Variants in B3GALT1 observed in about 807,000 individuals in gnomAD.
B3GALT1 encodes the protein UDP-Gal:betaGlcNAc beta 1,3-galactosyltransferase, polypeptide 1.
A neutral mutation model predicts 23.2 loss-of-function variants in B3GALT1; 10 were observed. That is an observed-to-expected ratio of 0.43 (90% CI 0.27 to 0.73). The LOEUF (loss-of-function observed/expected upper bound fraction) is 0.73, where lower values mean the gene tolerates loss of function less well. Ranked by LOEUF, B3GALT1 falls within the 30% of genes least tolerant of loss-of-function variation. The pLI is 0.21. For synonymous variants in B3GALT1, 156 were observed against 141.5 expected (o/e 1.10, Z -0.73); for missense variants, 299 against 405.4 (o/e 0.74, Z 2.25).
intron 4 of B3GALT1, among the ~76,000 whole-genome samples, chr2:167,852,060 A>G (rs1467511590): frequency 6.6e-6 from 1 of 152,214 alleles, no homozygotes; most frequent in African/African-American, 2.4e-5. Flanking sequence ...TGGAAGGGCA[A>G]TTTTGGCAGT....
At chr2:167,695,114 A>C (rs1686772558) in intron 3 of B3GALT1, among the ~76,000 whole-genome samples, 1 of 152,108 alleles carries the variant, frequency 6.6e-6, no homozygotes, top group Non-Finnish European at 1.5e-5. Flanking sequence ...ATTAAGCATC[A>C]GTTCTTTTAG....
At chr2:167,396,540 G>A (rs868635453) in intron 1 of B3GALT1, among the ~76,000 whole-genome samples, 173 of 138,012 alleles carry the variant, frequency 1.3e-3, no homozygotes, top group African/African-American at 2.9e-3. Context: ...ATATATGTGT[G>A]TGTGTGTGTG....
At chr2:167,688,011 T>C (rs955155319) in intron 3 of B3GALT1, among the ~76,000 whole-genome samples, 1 of 152,178 alleles carries the variant, frequency 6.6e-6, no homozygotes, top group Non-Finnish European at 1.5e-5. Flanking sequence ...TGCTAGAAAT[T>C]CATAGCTAGC....
chr2:167,331,109 A>T (rs1696967312), intron 1 of B3GALT1, among the ~76,000 whole-genome samples: 1 of 152,070 alleles, frequency 6.6e-6, no homozygotes, highest in South Asian at 2.1e-4. Context: ...GGGGGTATGT[A>T]AATAGCCTCA....
At chr2:167,812,014 C>T (rs940410921) in intron 3 of B3GALT1, among the ~76,000 whole-genome samples, 1 of 152,172 alleles carries the variant, frequency 6.6e-6, no homozygotes, top group Non-Finnish European at 1.5e-5. Context: ...GCCCATTTTC[C>T]CTATCAACAG....
intron 4 of B3GALT1, among the ~76,000 whole-genome samples, chr2:167,865,029 CT>C (rs926715899): frequency 3.7e-4 from 56 of 152,018 alleles, no homozygotes; most frequent in Non-Finnish European, 6.5e-4. Context: ...TATATTTCTC[CT>C]TTTTTAGCTC....
chr2:167,594,107 C>T (rs1050631396), intron 2 of B3GALT1, among the ~76,000 whole-genome samples: 1 of 152,142 alleles, frequency 6.6e-6, no homozygotes, highest in African/African-American at 2.4e-5. Context: ...AGGTGTTCAA[C>T]ATGACAAGAG....
intron 3 of B3GALT1, among the ~76,000 whole-genome samples, chr2:167,789,532 TATA>T (rs951496701): frequency 2.0e-5 from 3 of 152,168 alleles, no homozygotes; most frequent in African/African-American, 7.2e-5. Flanking sequence ...TGGATTCCAA[TATA>T]ATAATGATGA....
intron 1 of B3GALT1, among the ~76,000 whole-genome samples, chr2:167,418,709 C>A (rs1337532052): frequency 7.1e-6 from 1 of 140,574 alleles, no homozygotes; most frequent in Non-Finnish European, 1.5e-5. Flanking sequence ...TGGAGTTTTA[C>A]TCTTGTCGCC....
intron 1 of B3GALT1, among the ~76,000 whole-genome samples, chr2:167,446,074 C>G (rs1326054194): frequency 1.3e-5 from 2 of 152,198 alleles, no homozygotes. Context: ...GACAAAATCT[C>G]TCAGCATTTG....
chr2:167,358,627 T>C (rs1697453677), intron 1 of B3GALT1, among the ~76,000 whole-genome samples: 1 of 50,768 alleles, frequency 2.0e-5, no homozygotes, highest in Admixed American at 3.2e-4. Flanking sequence ...TCAAATCTTA[T>C]TAAGAATCCT....
chr2:167,449,833 T>C (rs1222494137), intron 1 of B3GALT1, among the ~76,000 whole-genome samples: 1 of 152,220 alleles, frequency 6.6e-6, no homozygotes. Context: ...ATACTTTTTC[T>C]GTGTCTATTG....
At chr2:167,470,645 A>T (rs565467590) in intron 1 of B3GALT1, among the ~76,000 whole-genome samples, 1 of 152,192 alleles carries the variant, frequency 6.6e-6, no homozygotes, top group African/African-American at 2.4e-5. Context: ...ATGATTTGAG[A>T]TTGTCCCACC....
intron 1 of B3GALT1, among the ~76,000 whole-genome samples, chr2:167,389,077 G>C (rs935142512): frequency 3.3e-5 from 5 of 152,144 alleles, no homozygotes; most frequent in African/African-American, 1.2e-4. Context: ...CTGGCAGGAA[G>C]AAGTCACAAT....
intron 1 of B3GALT1, among the ~76,000 whole-genome samples, chr2:167,349,098 C>T (rs1449492851): frequency 2.0e-5 from 3 of 152,170 alleles, no homozygotes; most frequent in Non-Finnish European, 4.4e-5. Context: ...TACTTGCCCC[C>T]TGCCATTCAT....
intron 2 of B3GALT1, among the ~76,000 whole-genome samples, chr2:167,630,915 A>C (rs1314881064): frequency 6.6e-6 from 1 of 150,376 alleles, no homozygotes; most frequent in African/African-American, 2.4e-5. Context: ...TCTCTCCTTC[A>C]TTCCTGCCTT....
chr2:167,807,057 C>T (rs1194331826), intron 3 of B3GALT1, among the ~76,000 whole-genome samples: 4 of 152,168 alleles, frequency 2.6e-5, no homozygotes, highest in African/African-American at 9.6e-5. Context: ...GTGTATGTGT[C>T]GAGGAACTTA....
chr2:167,375,940 T>A, intron 1 of B3GALT1, among the ~76,000 whole-genome samples: 1 of 152,216 alleles, frequency 6.6e-6, no homozygotes, highest in East Asian at 1.9e-4. Flanking sequence ...GCCTGTTCAG[T>A]ATGATGTTGC....
chr2:167,458,882 TTATC>T (rs1439995409), intron 1 of B3GALT1, among the ~76,000 whole-genome samples: 2 of 152,210 alleles, frequency 1.3e-5, no homozygotes, highest in Non-Finnish European at 2.9e-5. Context: ...TTTGCTGAAC[TTATC>T]TATTTGCTAA....
Sources: gnomAD v4.1 joint callset for allele counts (sites outside exome capture counted in the v4.1 genomes callset) on GRCh38, gnomAD v4.1.1 for gene constraint, MANE v1.5 for transcripts, NCBI Gene and HGNC (gene_info 2026-07-23, HGNC 2026-07-21) for gene names.